FAM193A: variants seen among roughly 807,000 people sequenced by gnomAD.
FAM193A encodes family with sequence similarity 193 member A.
FAM193A carries 22 observed loss-of-function variants against 126.5 expected under a neutral mutation model. The ratio of observed to expected loss-of-function variants is 0.17; its 90% CI spans 0.12 to 0.25. FAM193A has a LOEUF of 0.25. FAM193A is among the 10% of genes least tolerant of loss of function. The pLI, the probability that FAM193A is intolerant of heterozygous loss-of-function variation, is 1.00. For missense variants in FAM193A, 1,675 were observed against 1,672.8 expected (o/e 1.00, Z -0.02); for synonymous variants, 761 against 646.8 (o/e 1.18, Z -2.68).
At chr4:2,720,648 A>G (rs200872406) in intron 20 of FAM193A, among the ~76,000 whole-genome samples, 1 of 71,352 alleles carries the variant, frequency 1.4e-5, no homozygotes, top group South Asian at 4.8e-4. Flanking sequence ...GACTCTGTCT[A>G]AAAAAAAAAA....
chr4:2,582,893 G>T (rs1740032366), intron 1 of FAM193A, among the ~76,000 whole-genome samples: 1 of 152,152 alleles, frequency 6.6e-6, no homozygotes, highest in South Asian at 2.1e-4. Context: ...GTTGGCTGTT[G>T]TTTGAAGCTT....
At chr4:2,646,465 C>T (rs920392262) in intron 6 of FAM193A, among the ~76,000 whole-genome samples, 2 of 152,046 alleles carry the variant, frequency 1.3e-5, no homozygotes, top group Non-Finnish European at 2.9e-5. Flanking sequence ...AGCCACTGTG[C>T]CCAGCTGAGC....
chr4:2,611,337 C>T (rs1156911891), intron 2 of FAM193A, among the ~76,000 whole-genome samples: 2 of 152,056 alleles, frequency 1.3e-5, no homozygotes, highest in Non-Finnish European at 2.9e-5. Context: ...GGCTCAATCT[C>T]GGCTCACTGC....
At chr4:2,660,372 G>C (rs1712286356) in intron 10 of FAM193A, among the ~76,000 whole-genome samples, 1 of 152,158 alleles carries the variant, frequency 6.6e-6, no homozygotes, top group African/African-American at 2.4e-5. Context: ...TCCGCCGTCT[G>C]TCCTGTCTCC....
chr4:2,685,249 T>TG (rs924197108), intron 13 of FAM193A, among the ~76,000 whole-genome samples: 1 of 152,210 alleles, frequency 6.6e-6, no homozygotes, highest in African/African-American at 2.4e-5. Flanking sequence ...CAAGTAGCCT[T>TG]GGTCCCTTGT....
rs532866737 is a variant in FAM193A, at chr4:2,668,072, G to GT, written c.2080-4043dup. Among the ~76,000 whole-genome samples, 15 of 151,954 alleles carry GT rather than the reference G, an allele frequency of 9.9e-5. No individual in the cohort carries two copies. In the South Asian group the frequency reaches 2.5e-3, roughly 25 times the overall value. On this transcript the variant is annotated intron_variant, in intron 12 of 20. Coordinates refer to ENST00000637812, the MANE Select transcript of FAM193A (RefSeq NM_001366318.2). ...GGCATGTGCCGCCATGACCGGCTAAGTTTTTTAATTTTAGTAGAGACAAGG... is the reference window on the plus strand; with the variant it reads ...GGCATGTGCCGCCATGACCGGCTAAGTTTTTTTAATTTTAGTAGAGACAAGG...
chr4:2,655,424 CGTGTGT>C (rs370632720), intron 7 of FAM193A, among the ~76,000 whole-genome samples: 17 of 149,204 alleles, frequency 1.1e-4, no homozygotes, highest in East Asian at 3.9e-4. Flanking sequence ...TGATTTAGGA[CGTGTGT>C]GTGTGTGCGT....
intron 18 of FAM193A, among the ~76,000 whole-genome samples, chr4:2,697,677 C>G (rs1005483768): frequency 6.6e-6 from 1 of 152,222 alleles, no homozygotes; most frequent in South Asian, 2.1e-4. Context: ...TGTGATTGTT[C>G]TACCCTCAAG....
At chr4:2,542,350 A>T (rs950079895) in intron 1 of FAM193A, among the ~76,000 whole-genome samples, 20 of 151,812 alleles carry the variant, frequency 1.3e-4, no homozygotes, top group African/African-American at 4.8e-4. Flanking sequence ...TTGTTGGCCA[A>T]GCTGGTCTCG....
chr4:2,567,175 C>G (rs1383146623), intron 1 of FAM193A, among the ~76,000 whole-genome samples: 1 of 151,434 alleles, frequency 6.6e-6, no homozygotes. Context: ...GTCTCGATCT[C>G]CTGACCTCGT....
intron 1 of FAM193A, among the ~76,000 whole-genome samples, chr4:2,547,380 C>T (rs1191143193): frequency 1.3e-5 from 2 of 151,838 alleles, no homozygotes; most frequent in Non-Finnish European, 2.9e-5. Flanking sequence ...GCAACAAGAG[C>T]GAGATTCTTG....
chr4:2,695,749 A>G (rs1168083414), intron 17 of FAM193A, among the ~76,000 whole-genome samples: 1 of 152,230 alleles, frequency 6.6e-6, no homozygotes, highest in African/African-American at 2.4e-5. Flanking sequence ...ATTTATTGAC[A>G]TGAAAAGATA....
intron 19 of FAM193A, among the ~76,000 whole-genome samples, chr4:2,710,097 T>C (rs1014638634): frequency 2.6e-5 from 4 of 152,018 alleles, no homozygotes; most frequent in Non-Finnish European, 5.9e-5. Context: ...GTTAATAGTT[T>C]ATGTATTTTG....
chr4:2,577,356 G>A (rs1249907671), intron 1 of FAM193A, among the ~76,000 whole-genome samples: 1 of 150,998 alleles, frequency 6.6e-6, no homozygotes, highest in Non-Finnish European at 1.5e-5. Context: ...CATTGGTCTA[G>A]GTTTAATGTT....
chr4:2,597,746 AT>A (rs1740948797), intron 2 of FAM193A, among the ~76,000 whole-genome samples: 2 of 152,338 alleles, frequency 1.3e-5, no homozygotes, highest in East Asian at 1.9e-4. Context: ...CTTTAAAAAA[AT>A]AACATGATTT....
rs911960974 is a variant in FAM193A, at chr4:2,572,177, A to C, written c.256-23907A>C. On this transcript the variant is annotated intron_variant, in intron 1 of 20. Transcript: ENST00000637812. ...CAGCCTCTGTGTCCAAAAAAAAAAA[A>C]AAAAAACTGGGTGTGGTTGTGTGTG... is the stretch of plus-strand genomic sequence containing the variant. Among the ~76,000 whole-genome samples the C allele has an allele frequency of 1.6e-4, 24 of 151,904 alleles. No individual in the cohort carries two copies. The East Asian group carries it at 2.2e-3, about 14-fold the overall frequency.
chr4:2,563,146 T>A (rs1226607987), intron 1 of FAM193A, among the ~76,000 whole-genome samples: 1 of 151,826 alleles, frequency 6.6e-6, no homozygotes, highest in Non-Finnish European at 1.5e-5. Context: ...GGTTTCACCA[T>A]GTTGGCCAGG....
chr4:2,729,388 G>C (rs1266479014), intron 20 of FAM193A, among the ~76,000 whole-genome samples: 4 of 152,186 alleles, frequency 2.6e-5, no homozygotes, highest in Non-Finnish European at 5.9e-5. Flanking sequence ...ATTGGGAGAA[G>C]GGACGCGAGG....
chr4:2,576,429 G>A (rs193038013), intron 1 of FAM193A, among the ~76,000 whole-genome samples: 23 of 152,310 alleles, frequency 1.5e-4, no homozygotes, highest in African/African-American at 5.5e-4. Flanking sequence ...GCGGGATGCA[G>A]TGGCATGTAC....
Sources: gnomAD v4.1 joint callset for allele counts (sites outside exome capture counted in the v4.1 genomes callset) on GRCh38, gnomAD v4.1.1 for gene constraint, MANE v1.5 for transcripts, NCBI Gene and HGNC (gene_info 2026-07-23, HGNC 2026-07-21) for gene names.